RBM20: variants seen among roughly 807,000 people sequenced by gnomAD.
RBM20 encodes RNA-binding protein 20.
Under a neutral mutation model 110.1 loss-of-function variants are expected in RBM20, and 51 were observed. The ratio of observed to expected loss-of-function variants is 0.46; its 90% CI spans 0.37 to 0.59. RBM20 has a LOEUF of 0.59. Among genes scored for constraint, RBM20 ranks in the 20% least tolerant of loss-of-function variants. The pLI, the probability that RBM20 is intolerant of heterozygous loss-of-function variation, is 0.00. For synonymous variants in RBM20, 589 were observed against 618.2 expected, an observed-to-expected ratio of 0.95 and a Z score of 0.70; for missense variants, 1,512 against 1,574.9, an observed-to-expected ratio of 0.96 and a Z score of 0.68.
At chr10:110,758,910 G>A (rs1050528594) in intron 1 of RBM20, among the ~76,000 whole-genome samples, 65 of 152,290 alleles carry the variant, frequency 4.3e-4, no homozygotes, top group African/African-American at 1.3e-3. Context: ...GGAAGCTCTG[G>A]TCAGTTTTTA....
chr10:110,731,097 T>C (rs1394122606), intron 1 of RBM20, among the ~76,000 whole-genome samples: 1 of 152,232 alleles, frequency 6.6e-6, no homozygotes, highest in Admixed American at 6.5e-5. Context: ...TGAAACTGTT[T>C]TGTTTTATTT....
At chr10:110,763,556 A>G (rs1361894605) in intron 1 of RBM20, among the ~76,000 whole-genome samples, 2 of 152,194 alleles carry the variant, frequency 1.3e-5, no homozygotes, top group Non-Finnish European at 2.9e-5. Flanking sequence ...TTTTGATTTT[A>G]GAAAATCACG....
At chr10:110,691,932 G>A (rs553889075) in intron 1 of RBM20, among the ~76,000 whole-genome samples, 1 of 152,228 alleles carries the variant, frequency 6.6e-6, no homozygotes, top group African/African-American at 2.4e-5. Context: ...TCAAGTTCTG[G>A]TCTTTGATTC....
At chr10:110,809,643 A>C (rs1300492582) in intron 7 of RBM20, among the ~76,000 whole-genome samples, 2 of 152,124 alleles carry the variant, frequency 1.3e-5, no homozygotes, top group Non-Finnish European at 2.9e-5. Flanking sequence ...CTGGCTGCCT[A>C]CTATTCTCAG....
chr10:110,700,789 G>A (rs1246341866), intron 1 of RBM20, among the ~76,000 whole-genome samples: 2 of 152,138 alleles, frequency 1.3e-5, no homozygotes, highest in Admixed American at 6.5e-5. Flanking sequence ...GCTGAGGCGG[G>A]CGGATCACCT....
intron 11 of RBM20, among the ~76,000 whole-genome samples, 176 bp downstream of exon 11, chr10:110,822,111 T>A (rs911847175): frequency 5.3e-5 from 8 of 152,216 alleles, no homozygotes; most frequent in African/African-American, 1.9e-4. Context: ...GGCTAAACTG[T>A]TAGTGATTTT....
intron 13 of RBM20, among the ~76,000 whole-genome samples, chr10:110,831,666 T>TAAAAAAAAAA (rs869203382): frequency 1.5e-4 from 9 of 58,394 alleles, no homozygotes; most frequent in African/African-American, 3.4e-4. Context: ...CTTGCTAGAA[T>TAAAAAAAAAA]AAAAAAAAAA....
At chr10:110,700,178 T>G (rs1441046616) in intron 1 of RBM20, among the ~76,000 whole-genome samples, 1 of 152,224 alleles carries the variant, frequency 6.6e-6, no homozygotes. Context: ...TTCCTGTTTT[T>G]CACCTCTCCC....
intron 1 of RBM20, among the ~76,000 whole-genome samples, chr10:110,759,326 C>A (rs1010078992): frequency 6.6e-6 from 1 of 152,176 alleles, no homozygotes; most frequent in Non-Finnish European, 1.5e-5. Flanking sequence ...TCTGGCATAG[C>A]TTTTCTATTT....
At chr10:110,764,219 G>C (rs1844048176) in intron 1 of RBM20, among the ~76,000 whole-genome samples, 1 of 152,030 alleles carries the variant, frequency 6.6e-6, no homozygotes, top group South Asian at 2.1e-4. Context: ...GTTTTTAAGG[G>C]TATCTTCAGG....
intron 1 of RBM20, among the ~76,000 whole-genome samples, chr10:110,760,871 A>T (rs1159516759): frequency 6.6e-6 from 1 of 151,196 alleles, no homozygotes; most frequent in Non-Finnish European, 1.5e-5. Context: ...AGGCAGGCAG[A>T]TCATGAGGTC....
chr10:110,695,960 G>T (rs530725350), intron 1 of RBM20, among the ~76,000 whole-genome samples: 3 of 152,296 alleles, frequency 2.0e-5, no homozygotes, highest in South Asian at 2.1e-4. Flanking sequence ...CCTAATAGTG[G>T]TCTTGCCTGA....
intron 7 of RBM20, among the ~76,000 whole-genome samples, chr10:110,800,348 T>C (rs960126590): frequency 6.6e-6 from 1 of 152,254 alleles, no homozygotes. Flanking sequence ...TTAAGCCTCA[T>C]AGAAGTCCTT....
At chr10:110,805,448 A>C (rs1844682300) in intron 7 of RBM20, among the ~76,000 whole-genome samples, 1 of 152,090 alleles carries the variant, frequency 6.6e-6, no homozygotes, top group African/African-American at 2.4e-5. Flanking sequence ...TCTTCCCAGG[A>C]CTCTTGAAGT....
chr10:110,693,526 G>A (rs11195265), intron 1 of RBM20, among the ~76,000 whole-genome samples: 26,661 of 152,066 alleles, frequency 0.18, 2,586 homozygotes, highest in East Asian at 0.31. Context: ...CATTTCAAAC[G>A]TGACCATTCT....
At chr10:110,800,178 G>A (rs1309478164) in intron 7 of RBM20, among the ~76,000 whole-genome samples, 1 of 152,176 alleles carries the variant, frequency 6.6e-6, no homozygotes, top group Non-Finnish European at 1.5e-5. Flanking sequence ...GTTCACAGGG[G>A]AACTTTTAAA....
chr10:110,745,334 T>C (rs2134975220), intron 1 of RBM20, among the ~76,000 whole-genome samples: 1 of 152,142 alleles, frequency 6.6e-6, no homozygotes, highest in East Asian at 1.9e-4. Context: ...GCCTGCTGGG[T>C]TTGAACAGTG....
At chr10:110,760,096 G>A (rs1251354751) in intron 1 of RBM20, among the ~76,000 whole-genome samples, 1 of 152,222 alleles carries the variant, frequency 6.6e-6, no homozygotes, top group Non-Finnish European at 1.5e-5. Context: ...TGATGGACAA[G>A]TTTGAGATCA....
At chr10:110,834,639 A>ACT (rs904465113) in intron 13 of RBM20, among the ~76,000 whole-genome samples, 3 of 152,230 alleles carry the variant, frequency 2.0e-5, no homozygotes, top group African/African-American at 7.2e-5. Context: ...TGTTGTTGTT[A>ACT]CTGTTATTCC....
Sources: gnomAD v4.1 joint callset for allele counts (sites outside exome capture counted in the v4.1 genomes callset) on GRCh38, gnomAD v4.1.1 for gene constraint, MANE v1.5 for transcripts, NCBI Gene and HGNC (gene_info 2026-07-23, HGNC 2026-07-21) for gene names.